The following LPO variants were observed in gnomAD, a reference collection of about 807,000 sequenced individuals.
LPO encodes the protein lactoperoxidase, also known as salivary peroxidase.
Under a neutral mutation model 68.4 loss-of-function variants are expected in LPO, and 70 were observed. The observed-to-expected ratio is 1.02, with a 90% CI of 0.84 to 1.25. The LOEUF (loss-of-function observed/expected upper bound fraction) is 1.25, where lower values mean the gene tolerates loss of function less well. Among genes scored for constraint, LPO ranks in the 50% most tolerant of loss-of-function variants. LPO has a pLI of 0.00. For synonymous variants in LPO, 360 were observed against 357.6 expected (o/e 1.01, Z -0.08); for missense variants, 873 against 908.4 (o/e 0.96, Z 0.50).
chr17:58,243,045 T>C lies in LPO; in HGVS notation c.66T>C (p.Ser22=), dbSNP rs1969786684. Residue 22 remains serine (S), a synonymous_variant, in exon 2 of 13, where the codon TCT becomes TCC. Coordinates refer to ENST00000262290, the MANE Select transcript of LPO (RefSeq NM_006151.3). ...ASLILLQAAA[S]TTRAQTTRTS... ...TCATCTTGCTTCAGGCTGCAGCATC[T>C]ACCACAAGAGGTGAGTGTCTCCCTT... 1 of 1,613,838 alleles carries C rather than the reference T, an allele frequency of 6.2e-7. No homozygotes were observed. The highest frequency in any genetic ancestry group is 8.5e-7 in the Non-Finnish European group (1 of 1,179,968).
At chr17:58,246,590 A>G (rs1969856390) in intron 3 of LPO, among the ~76,000 whole-genome samples, 1 of 152,164 alleles carries the variant, frequency 6.6e-6, no homozygotes, top group African/African-American at 2.4e-5. Context: ...CGGGCGGGAA[A>G]GGAAGGAACA....
chr17:58,249,393 G>C (rs1969913277), intron 5 of LPO, 173 bp from the exon 6 acceptor site: 7 of 1,090,092 alleles, frequency 6.4e-6, no homozygotes, highest in Non-Finnish European at 7.6e-6. Flanking sequence ...CCCCGGGGCG[G>C]GGGAGCCCCG....
At chr17:58,263,775 T>C (rs1305208121) in intron 9 of LPO, among the ~76,000 whole-genome samples, 1 of 152,116 alleles carries the variant, frequency 6.6e-6, no homozygotes, top group African/African-American at 2.4e-5. Context: ...CATAGTTACC[T>C]TGTTTAGGTT....
intron 7 of LPO, 101 bp downstream of exon 7, chr17:58,250,722 T>A: frequency 2.4e-6 from 3 of 1,239,904 alleles, no homozygotes; most frequent in Non-Finnish European, 3.5e-6. Flanking sequence ...AGATCTGGGA[T>A]ACTGATTTGG....
chr17:58,252,381 T>C lies in LPO; in HGVS notation c.980T>C (p.Leu327Pro). ...CGCCTCCGCAACCTCAGCAGCCCCCTGGGCCTCATGGCTGTCAACCAGGAG... is the reference window on the plus strand; with the variant it reads ...CGCCTCCGCAACCTCAGCAGCCCCCCGGGCCTCATGGCTGTCAACCAGGAG... ...ASRLRNLSSP[L>P]GLMAVNQEVS... is the part of the protein sequence containing the mutation. Residue 327 changes from leucine (L) to proline (P), a missense_variant, in exon 8 of 13, where the codon CTG (leucine) becomes CCG (proline). By Grantham distance (98) the Leu-to-Pro change is moderately conservative. Coordinates refer to ENST00000262290, the MANE Select transcript of LPO (RefSeq NM_006151.3). The C allele has an allele frequency of 6.2e-7, 1 of 1,614,166 alleles. No homozygotes were observed.
At chr17:58,241,707 G>GC (rs1414523568) in intron 1 of LPO, among the ~76,000 whole-genome samples, 1 of 152,156 alleles carries the variant, frequency 6.6e-6, no homozygotes, top group Non-Finnish European at 1.5e-5. Context: ...TTCATGCCTT[G>GC]CCCCTTCTCT....
chr17:58,245,205 T>A (rs1969831108), intron 3 of LPO, among the ~76,000 whole-genome samples: 1 of 152,188 alleles, frequency 6.6e-6, no homozygotes, highest in African/African-American at 2.4e-5. Flanking sequence ...GCTTGAGGCC[T>A]CTGGCGGGAG....
At chr17:58,243,803 C>G in intron 2 of LPO, 191 bp from the exon 3 acceptor site, 1 of 599,288 alleles carries the variant, frequency 1.7e-6, no homozygotes, top group Non-Finnish European at 3.0e-6. Context: ...GTTGAAGATC[C>G]AAGAGTATTC....
At chr17:58,252,133 C>T (rs1598025001) in intron 7 of LPO, 49 bp from the exon 8 acceptor site, 1 of 1,570,462 alleles carries the variant, frequency 6.4e-7, no homozygotes, top group Non-Finnish European at 8.7e-7. Flanking sequence ...GTTGCCAGGA[C>T]CCAGCTGTTC....
intron 3 of LPO, among the ~76,000 whole-genome samples, chr17:58,246,098 A>G (rs1008007312): frequency 2.6e-5 from 4 of 152,232 alleles, no homozygotes; most frequent in Non-Finnish European, 5.9e-5. Flanking sequence ...AGGCACAGGG[A>G]TCAGGGAAGC....
intron 10 of LPO, among the ~76,000 whole-genome samples, chr17:58,265,744 G>A (rs1034263440): frequency 2.6e-5 from 4 of 151,584 alleles, no homozygotes; most frequent in Middle Eastern, 3.4e-3. Context: ...CCCCATACCT[G>A]GCTAATTTTT....
chr17:58,256,909 A>G (rs564506931), intron 9 of LPO, among the ~76,000 whole-genome samples: 72 of 151,584 alleles, frequency 4.7e-4, no homozygotes, highest in African/African-American at 1.7e-3. Context: ...TACACTCTTA[A>G]GTTATTTGAA....
At chr17:58,256,133 A>G (rs8178358) in intron 9 of LPO, among the ~76,000 whole-genome samples, 28 of 152,330 alleles carry the variant, frequency 1.8e-4, no homozygotes, top group African/African-American at 6.5e-4. Flanking sequence ...TTCATTAAGC[A>G]TAATATCTTT....
chr17:58,243,391 G>T, intron 2 of LPO: 1 of 276,520 alleles, frequency 3.6e-6, no homozygotes. Flanking sequence ...TGCTAAGGCA[G>T]TATGACCTCA....
At chr17:58,265,573 CTTTTTTTTTTTT>C (rs71365866) in intron 10 of LPO, among the ~76,000 whole-genome samples, 3 of 85,212 alleles carry the variant, frequency 3.5e-5, no homozygotes, top group Admixed American at 1.3e-4. Context: ...TTAAAAATAC[CTTTTTTTTTTTT>C]TTTTTTTTTT....
intron 7 of LPO, chr17:58,251,174 G>C (rs1032574608): frequency 6.3e-6 from 1 of 158,044 alleles, no homozygotes; most frequent in African/African-American, 2.4e-5. Context: ...AGCTACTCAG[G>C]AGGTTGAGGC....
intron 7 of LPO, 193 bp from the exon 8 acceptor site, chr17:58,251,989 A>T (rs1969966596): frequency 1.3e-6 from 1 of 763,000 alleles, no homozygotes. Context: ...ACACAACAGG[A>T]TGTAATGAAC....
intron 10 of LPO, 60 bp from the exon 11 acceptor site, chr17:58,266,093 A>G (rs1970257363): frequency 1.3e-6 from 2 of 1,532,684 alleles, no homozygotes; most frequent in Non-Finnish European, 1.8e-6. Context: ...GAGGCAAGCC[A>G]TGAATGATGT....
At chr17:58,266,378 G>A in intron 11 of LPO, 52 bp downstream of exon 11, 2 of 1,578,856 alleles carry the variant, frequency 1.3e-6, no homozygotes, top group Non-Finnish European at 1.7e-6. Flanking sequence ...TAACTTTCTA[G>A]GGCTCCTGGA....
Sources: allele counts gnomAD v4.1 joint callset (sites outside exome capture counted in the v4.1 genomes callset), GRCh38; gene constraint gnomAD v4.1.1; transcripts MANE v1.5; gene names NCBI Gene and HGNC (gene_info 2026-07-23, HGNC 2026-07-21).